GPC5: variants seen among roughly 807,000 people sequenced by gnomAD.
GPC5 encodes glypican 5.
Under a neutral mutation model 53.9 loss-of-function variants are expected in GPC5, and 47 were observed. That is an observed-to-expected ratio of 0.87 (90% CI 0.69 to 1.11). The LOEUF (loss-of-function observed/expected upper bound fraction) is 1.11, where lower values mean the gene tolerates loss of function less well. Ranked by LOEUF, GPC5 falls within the 50% of genes most tolerant of loss-of-function variation. The probability of loss-of-function intolerance (pLI) is 0.00; values close to 1 mark genes in which losing one functional copy is unlikely to be tolerated. For missense variants in GPC5, 748 were observed against 713.1 expected, an observed-to-expected ratio of 1.05 and a Z score of -0.56; for synonymous variants, 286 against 263.3, an observed-to-expected ratio of 1.09 and a Z score of -0.84.
chr13:92,247,039 T>C (rs2042656346), intron 7 of GPC5, among the ~76,000 whole-genome samples: 1 of 152,168 alleles, frequency 6.6e-6, no homozygotes, highest in Non-Finnish European at 1.5e-5. Flanking sequence ...TGTGGGATTA[T>C]TAAAGACCAG....
intron 5 of GPC5, among the ~76,000 whole-genome samples, chr13:91,881,702 T>C (rs1397172990): frequency 6.6e-6 from 1 of 152,186 alleles, no homozygotes; most frequent in Non-Finnish European, 1.5e-5. Context: ...CTATTGCAGG[T>C]AGAATCTCAT....
At chr13:91,946,489 A>G (rs1312535427) in intron 6 of GPC5, among the ~76,000 whole-genome samples, 2 of 152,240 alleles carry the variant, frequency 1.3e-5, no homozygotes, top group Non-Finnish European at 2.9e-5. Flanking sequence ...AAACGATAAG[A>G]ATAATCTAGG....
chr13:92,864,873 ATT>A (rs762031998), intron 7 of GPC5, among the ~76,000 whole-genome samples: 3 of 152,112 alleles, frequency 2.0e-5, no homozygotes, highest in Non-Finnish European at 2.9e-5. Context: ...ATATATATAT[ATT>A]GGCCTAATTA....
At chr13:91,603,949 G>GTT (rs542915152) in intron 2 of GPC5, among the ~76,000 whole-genome samples, 5 of 141,930 alleles carry the variant, frequency 3.5e-5, no homozygotes, top group Non-Finnish European at 3.1e-5. Flanking sequence ...GTTCTTACTA[G>GTT]TTTTTTTTTT....
At chr13:92,678,666 G>T (rs929845488) in intron 7 of GPC5, among the ~76,000 whole-genome samples, 6 of 152,174 alleles carry the variant, frequency 3.9e-5, no homozygotes, top group African/African-American at 1.2e-4. Flanking sequence ...GAGAGTCTTA[G>T]ATGTCATCGT....
chr13:91,487,386 GACAT>G (rs1419279273), intron 2 of GPC5, among the ~76,000 whole-genome samples: 3 of 152,274 alleles, frequency 2.0e-5, no homozygotes, highest in Non-Finnish European at 2.9e-5. Context: ...CTCAGAGACA[GACAT>G]TATCCTGTGG....
intron 7 of GPC5, among the ~76,000 whole-genome samples, chr13:92,316,037 T>C (rs9584015): frequency 0.11 from 17,136 of 152,164 alleles, 1,475 homozygotes; most frequent in African/African-American, 0.25. Context: ...TGACTACAGG[T>C]CAGATAGAAT....
chr13:91,663,221 G>T (rs2035027372), intron 2 of GPC5, among the ~76,000 whole-genome samples: 1 of 152,138 alleles, frequency 6.6e-6, no homozygotes, highest in African/African-American at 2.4e-5. Context: ...ATATTTGGGG[G>T]AACATAAGAT....
intron 2 of GPC5, among the ~76,000 whole-genome samples, chr13:91,580,180 A>G (rs2032305957): frequency 2.0e-5 from 3 of 151,998 alleles, no homozygotes. Context: ...CCTCCAGAGT[A>G]TCTGGGACTA....
intron 7 of GPC5, among the ~76,000 whole-genome samples, chr13:92,308,300 C>A (rs1277610496): frequency 6.6e-6 from 1 of 151,966 alleles, no homozygotes; most frequent in Admixed American, 6.6e-5. Flanking sequence ...CGCCTGGCAG[C>A]CAAAATATTC....
intron 7 of GPC5, among the ~76,000 whole-genome samples, chr13:92,520,415 A>G (rs1880993859): frequency 6.6e-6 from 1 of 152,134 alleles, no homozygotes; most frequent in Non-Finnish European, 1.5e-5. Context: ...GAAGCACATC[A>G]AAAAAGCTTA....
chr13:92,564,590 T>A (rs1441229760), intron 7 of GPC5, among the ~76,000 whole-genome samples: 1 of 152,010 alleles, frequency 6.6e-6, no homozygotes, highest in Non-Finnish European at 1.5e-5. Context: ...TTGTAGGACA[T>A]TGAAGTTTGG....
At chr13:92,374,818 C>T (rs1594143521) in intron 7 of GPC5, among the ~76,000 whole-genome samples, 3 of 125,694 alleles carry the variant, frequency 2.4e-5, no homozygotes, top group South Asian at 5.0e-4. Flanking sequence ...CTAACCTGCA[C>T]AATGTGCACA....
chr13:92,550,739 G>A (rs114209465), intron 7 of GPC5, among the ~76,000 whole-genome samples: 1,917 of 151,852 alleles, frequency 0.013, 43 homozygotes, highest in African/African-American at 0.043. Flanking sequence ...GATTGATGGC[G>A]CTTGGAAAGA....
intron 4 of GPC5, among the ~76,000 whole-genome samples, chr13:91,751,533 G>A (rs572614154): frequency 1.3e-5 from 2 of 152,164 alleles, no homozygotes; most frequent in Admixed American, 1.3e-4. Flanking sequence ...GCCAGTCATC[G>A]TGCTAGAGGG....
chr13:92,014,006 A>G (rs894848321), intron 6 of GPC5, among the ~76,000 whole-genome samples: 4 of 152,144 alleles, frequency 2.6e-5, no homozygotes, highest in Non-Finnish European at 5.9e-5. Context: ...AATCATGTTT[A>G]TTTTTCAAGA....
chr13:91,708,051 A>T (rs1482011989), intron 3 of GPC5, among the ~76,000 whole-genome samples: 1 of 152,192 alleles, frequency 6.6e-6, no homozygotes, highest in Non-Finnish European at 1.5e-5. Context: ...TTAAAATTTT[A>T]AAGTATATAG....
intron 7 of GPC5, among the ~76,000 whole-genome samples, chr13:92,187,858 C>T (rs1018324264): frequency 2.0e-5 from 3 of 152,214 alleles, no homozygotes; most frequent in Non-Finnish European, 4.4e-5. Context: ...CTTAATTACT[C>T]ATGTAAAGAA....
chr13:92,397,767 A>G (rs919380437), intron 7 of GPC5, among the ~76,000 whole-genome samples: 7 of 152,186 alleles, frequency 4.6e-5, no homozygotes, highest in African/African-American at 1.7e-4. Flanking sequence ...GGAAACAGCA[A>G]GTCATTCCTT....
Sources: allele counts gnomAD v4.1 joint callset (sites outside exome capture counted in the v4.1 genomes callset), GRCh38; gene constraint gnomAD v4.1.1; transcripts MANE v1.5; gene names NCBI Gene and HGNC (gene_info 2026-07-23, HGNC 2026-07-21).